Variants in ELAVL2 observed in about 807,000 individuals in gnomAD.
ELAVL2 encodes ELAV like RNA binding protein 2, also known as ELAV-like protein 2.
In ELAVL2, 4 loss-of-function variants were observed where a neutral mutation model predicts 34.6. The observed-to-expected ratio is 0.12, with a 90% CI of 0.06 to 0.26. The LOEUF is 0.26. ELAVL2 is among the 10% of genes least tolerant of loss of function. The pLI is 1.00. For missense variants in ELAVL2, 432 were observed against 442.8 expected (o/e 0.98, Z 0.22); for synonymous variants, 193 against 154.8 (o/e 1.25, Z -1.83).
At chr9:23,758,072 T>C (rs527683796) in intron 2 of ELAVL2, among the ~76,000 whole-genome samples, 3 of 152,208 alleles carry the variant, frequency 2.0e-5, no homozygotes, top group Admixed American at 2.0e-4. Context: ...CACATGCTCC[T>C]ACAAAATCGG....
intron 2 of ELAVL2, among the ~76,000 whole-genome samples, chr9:23,754,299 G>C (rs147081407): frequency 9.7e-4 from 147 of 152,174 alleles, no homozygotes; most frequent in African/African-American, 3.5e-3. Flanking sequence ...CTTCATCCTA[G>C]CAACTAGCCA....
chr9:23,792,617 C>T (rs140115337), intron 1 of ELAVL2, among the ~76,000 whole-genome samples: 133 of 152,296 alleles, frequency 8.7e-4, no homozygotes, highest in South Asian at 4.8e-3. Flanking sequence ...CAATTGTATA[C>T]ATACAGACCT....
intron 2 of ELAVL2, among the ~76,000 whole-genome samples, chr9:23,753,096 T>G (rs2052564153): frequency 6.6e-6 from 1 of 152,274 alleles, no homozygotes; most frequent in South Asian, 2.1e-4. Flanking sequence ...AACAAATACC[T>G]TAAGGACTAA....
chr9:23,836,661 ATGTGTGTGTGTGTGTT>A, the ELAVL2 span, among the ~76,000 whole-genome samples: 8 of 151,212 alleles, frequency 5.3e-5, no homozygotes, highest in Non-Finnish European at 1.2e-4. Flanking sequence ...GTGTGCATGC[ATGTGTGTGTGTGTGTT>A]TGTGTGGGTG....
chr9:23,807,891 T>C (rs2062445665), intron 1 of ELAVL2, among the ~76,000 whole-genome samples: 1 of 152,188 alleles, frequency 6.6e-6, no homozygotes, highest in Non-Finnish European at 1.5e-5. Context: ...ATTTAGACAA[T>C]GCAGATCTCA....
intron 1 of ELAVL2, among the ~76,000 whole-genome samples, chr9:23,819,320 C>A (rs1002269374): frequency 1.3e-5 from 2 of 152,008 alleles, no homozygotes; most frequent in Non-Finnish European, 2.9e-5. Flanking sequence ...TGTGAAGAGG[C>A]GGTAACCAGA....
chr9:23,697,509 G>C (rs1409321216), intron 5 of ELAVL2, among the ~76,000 whole-genome samples: 1 of 152,168 alleles, frequency 6.6e-6, no homozygotes, highest in East Asian at 1.9e-4. Flanking sequence ...TGTTTGATTA[G>C]AGTTTATAAT....
At chr9:23,784,467 G>A (rs1320298098) in intron 1 of ELAVL2, among the ~76,000 whole-genome samples, 1 of 152,182 alleles carries the variant, frequency 6.6e-6, no homozygotes, top group Non-Finnish European at 1.5e-5. Flanking sequence ...GTCTTTGGAA[G>A]GTAAAGGATG....
chr9:23,846,870 A>T, the ELAVL2 span, among the ~76,000 whole-genome samples: 1 of 152,064 alleles, frequency 6.6e-6, no homozygotes, highest in Non-Finnish European at 1.5e-5. Context: ...TTTAAAATCT[A>T]GTATCTTTCT....
chr9:23,725,541 A>G (rs1041559755), intron 3 of ELAVL2, among the ~76,000 whole-genome samples: 3 of 152,130 alleles, frequency 2.0e-5, no homozygotes, highest in Admixed American at 1.3e-4. Flanking sequence ...CCTTCTTTAC[A>G]GTGGGGGCTG....
At chr9:23,743,300 A>T (rs767863426) in intron 2 of ELAVL2, among the ~76,000 whole-genome samples, 2 of 152,216 alleles carry the variant, frequency 1.3e-5, no homozygotes, top group Non-Finnish European at 2.9e-5. Context: ...AGCTCCTACG[A>T]TTGCCACATT....
chr9:23,743,795 T>G (rs2049858359), intron 2 of ELAVL2, among the ~76,000 whole-genome samples: 1 of 152,208 alleles, frequency 6.6e-6, no homozygotes, highest in Non-Finnish European at 1.5e-5. Context: ...CTTAAAAACT[T>G]TTAATGTGAT....
At chr9:23,784,722 A>C (rs2059477301) in intron 1 of ELAVL2, among the ~76,000 whole-genome samples, 1 of 152,212 alleles carries the variant, frequency 6.6e-6, no homozygotes, top group Non-Finnish European at 1.5e-5. Flanking sequence ...TTTCTGAACT[A>C]GGTAGGTGCA....
chr9:23,708,835 A>G (rs1587477651), intron 3 of ELAVL2, among the ~76,000 whole-genome samples: 1 of 151,984 alleles, frequency 6.6e-6, no homozygotes, highest in East Asian at 1.9e-4. Context: ...ACAGGGTTTC[A>G]CCATGTTGGT....
At chr9:23,809,917 G>A (rs537434622) in intron 1 of ELAVL2, among the ~76,000 whole-genome samples, 1 of 152,244 alleles carries the variant, frequency 6.6e-6, no homozygotes, top group African/African-American at 2.4e-5. Context: ...TTTACTGGGT[G>A]AATATTTTGT....
chr9:23,746,509 C>T (rs2050522266), intron 2 of ELAVL2, among the ~76,000 whole-genome samples: 1 of 152,072 alleles, frequency 6.6e-6, no homozygotes, highest in South Asian at 2.1e-4. Context: ...AGTAAAACTA[C>T]CCCCACCTCA....
At chr9:23,777,651 G>GAA (rs1258211620) in intron 1 of ELAVL2, among the ~76,000 whole-genome samples, 5 of 152,134 alleles carry the variant, frequency 3.3e-5, no homozygotes, top group Non-Finnish European at 7.4e-5. Flanking sequence ...TCATGAGGTA[G>GAA]AAGCAAGAAC....
intron 3 of ELAVL2, among the ~76,000 whole-genome samples, chr9:23,728,400 A>G (rs1391081145): frequency 6.6e-6 from 1 of 152,146 alleles, no homozygotes; most frequent in Non-Finnish European, 1.5e-5. Flanking sequence ...AAGCATATGC[A>G]TGGACGCTGG....
chr9:23,783,355 T>C lies in ELAVL2; in HGVS notation c.-15-21106A>G, dbSNP rs948935562. On this transcript the variant is annotated intron_variant, in intron 1 of 6. Transcript: ENST00000397312. Reference sequence around the variant, plus strand: ...CACTCAGCTCACAGTCTGAAGCCACTTAAATGGAGTAACTCCAAGGAAAAC... The same window carrying C: ...CACTCAGCTCACAGTCTGAAGCCACCTAAATGGAGTAACTCCAAGGAAAAC... The C allele has an allele frequency of 2.1e-5, 15 of 702,892 alleles. No individual in the cohort carries two copies. The African/African-American group carries it at 2.5e-4, about 12-fold the overall frequency. 43.5% of individuals were successfully genotyped at this position (702,892 alleles called of 1,614,324 possible). A position where few individuals can be genotyped will look rare whatever the true frequency, so the allele number is the denominator to read the frequency against.
Sources: gnomAD v4.1 joint callset for allele counts (sites outside exome capture counted in the v4.1 genomes callset) on GRCh38, gnomAD v4.1.1 for gene constraint, MANE v1.5 for transcripts, NCBI Gene and HGNC (gene_info 2026-07-23, HGNC 2026-07-21) for gene names.